GPC5: variants seen among roughly 807,000 people sequenced by gnomAD.
GPC5 encodes glypican 5, also known as glypican-5.
Under a neutral mutation model 53.9 loss-of-function variants are expected in GPC5, and 47 were observed. The ratio of observed to expected loss-of-function variants is 0.87; its 90% CI spans 0.69 to 1.11. The LOEUF is 1.11. Among genes scored for constraint, GPC5 ranks in the 50% most tolerant of loss-of-function variants. The pLI is 0.00. For missense variants in GPC5, 748 were observed against 713.1 expected, an observed-to-expected ratio of 1.05 and a Z score of -0.56; for synonymous variants, 286 against 263.3, an observed-to-expected ratio of 1.09 and a Z score of -0.84.
intron 7 of GPC5, among the ~76,000 whole-genome samples, chr13:92,306,746 T>C (rs2043113283): frequency 6.6e-6 from 1 of 152,182 alleles, no homozygotes; most frequent in African/African-American, 2.4e-5. Context: ...TCATTAGCAT[T>C]TAGTTCATCA....
chr13:91,803,754 T>C (rs2038172690), intron 5 of GPC5, among the ~76,000 whole-genome samples: 2 of 146,980 alleles, frequency 1.4e-5, no homozygotes, highest in African/African-American at 5.0e-5. Context: ...TCTAGAAACA[T>C]ATATAACAGA....
chr13:92,694,078 G>C (rs1209483486), intron 7 of GPC5, among the ~76,000 whole-genome samples: 1 of 152,162 alleles, frequency 6.6e-6, no homozygotes, highest in Non-Finnish European at 1.5e-5. Context: ...CCCAAACCTT[G>C]GTGGCTTCCA....
chr13:92,634,501 G>A (rs577576031), intron 7 of GPC5, among the ~76,000 whole-genome samples: 2 of 152,114 alleles, frequency 1.3e-5, no homozygotes, highest in South Asian at 4.1e-4. Flanking sequence ...CTTATATTGA[G>A]TATTCGATTC....
At chr13:92,633,574 T>C (rs1319179841) in intron 7 of GPC5, among the ~76,000 whole-genome samples, 1 of 152,124 alleles carries the variant, frequency 6.6e-6, no homozygotes, top group Non-Finnish European at 1.5e-5. Context: ...TGTACTTTTA[T>C]TTATATCTTT....
intron 6 of GPC5, among the ~76,000 whole-genome samples, chr13:92,096,513 TA>T (rs2041423309): frequency 6.6e-6 from 1 of 152,204 alleles, no homozygotes; most frequent in Non-Finnish European, 1.5e-5. Context: ...ATTCATGTGT[TA>T]AAGCTTAATC....
intron 7 of GPC5, among the ~76,000 whole-genome samples, chr13:92,743,750 T>A (rs1352074667): frequency 3.3e-5 from 5 of 152,032 alleles, no homozygotes. Context: ...ATTATTTTGA[T>A]ATTCGTCCCA....
intron 6 of GPC5, among the ~76,000 whole-genome samples, chr13:92,067,609 T>C (rs893719206): frequency 6.6e-6 from 1 of 151,994 alleles, no homozygotes; most frequent in African/African-American, 2.4e-5. Flanking sequence ...ATTTCAGGGA[T>C]GTGTAAGTAT....
intron 6 of GPC5, among the ~76,000 whole-genome samples, chr13:91,982,979 T>C (rs2040372887): frequency 6.6e-6 from 1 of 152,130 alleles, no homozygotes; most frequent in Non-Finnish European, 1.5e-5. Context: ...AGAGCAATAA[T>C]TCCCTAGGCT....
chr13:91,705,676 A>C (rs1457686311), intron 3 of GPC5, among the ~76,000 whole-genome samples: 1 of 149,794 alleles, frequency 6.7e-6, no homozygotes, highest in African/African-American at 2.5e-5. Context: ...ACTTGGGTGG[A>C]GAAGGACTCT....
chr13:92,131,891 G>A (rs931569070), intron 6 of GPC5, among the ~76,000 whole-genome samples: 1 of 150,982 alleles, frequency 6.6e-6, no homozygotes, highest in Non-Finnish European at 1.5e-5. Flanking sequence ...AGCACATTTT[G>A]CCTATCTATG....
At chr13:92,660,912 A>C (rs1886319754) in intron 7 of GPC5, among the ~76,000 whole-genome samples, 1 of 152,076 alleles carries the variant, frequency 6.6e-6, no homozygotes, top group African/African-American at 2.4e-5. Flanking sequence ...TTTATTTATA[A>C]TTATTTTAAA....
chr13:92,299,564 A>T (rs1317227774), intron 7 of GPC5, among the ~76,000 whole-genome samples: 1 of 152,230 alleles, frequency 6.6e-6, no homozygotes, highest in Non-Finnish European at 1.5e-5. Context: ...ATTACAAAAA[A>T]ATTATGTAGA....
rs1043197679 is a variant in GPC5, at chr13:92,523,470, C to T, written c.1562-342812C>T. Among the ~76,000 whole-genome samples, 4 of 152,158 alleles carry T rather than the reference C, an allele frequency of 2.6e-5. No individual in the cohort carries two copies. The East Asian group carries it at 5.8e-4, about 22-fold the overall frequency. ...ATAATTTTTAATGAATATTTAGAAA[C>T]ATTTCCATCAAATATTTGAGAATTT... On this transcript the variant is annotated intron_variant, in intron 7 of 7. Coordinates refer to ENST00000377067, the MANE Select transcript of GPC5 (RefSeq NM_004466.6).
intron 2 of GPC5, among the ~76,000 whole-genome samples, chr13:91,689,184 A>AATATATAT (rs1169911890): frequency 1.5e-3 from 73 of 49,564 alleles, no homozygotes; most frequent in Non-Finnish European, 2.0e-3. Context: ...ATCATATATA[A>AATATATAT]ATATATATAT....
intron 7 of GPC5, among the ~76,000 whole-genome samples, chr13:92,407,999 A>C (rs1875867790): frequency 1.3e-5 from 2 of 152,232 alleles, no homozygotes; most frequent in Admixed American, 1.3e-4. Flanking sequence ...TCCCCAAGCC[A>C]TGGCCGCCAA....
At chr13:91,727,486 C>T (rs1373308677) in intron 3 of GPC5, among the ~76,000 whole-genome samples, 1 of 152,152 alleles carries the variant, frequency 6.6e-6, no homozygotes, top group African/African-American at 2.4e-5. Context: ...TTTAGTTACT[C>T]ATATTTTCCC....
intron 7 of GPC5, among the ~76,000 whole-genome samples, chr13:92,435,218 C>T (rs1256506713): frequency 6.6e-6 from 1 of 152,044 alleles, no homozygotes; most frequent in Non-Finnish European, 1.5e-5. Flanking sequence ...CCCAGCAGTC[C>T]AAATGAAATT....
chr13:91,517,332 A>G (rs934087927), intron 2 of GPC5, among the ~76,000 whole-genome samples: 80 of 152,326 alleles, frequency 5.3e-4, no homozygotes, highest in Non-Finnish European at 4.9e-4. Context: ...ACGCAAAGTG[A>G]ATCATCTCTC....
chr13:91,788,081 G>C (rs2037905829), intron 5 of GPC5, among the ~76,000 whole-genome samples: 1 of 151,882 alleles, frequency 6.6e-6, no homozygotes, highest in Non-Finnish European at 1.5e-5. Flanking sequence ...AGACTTCTTG[G>C]CCTGCTATAA....
Sources: allele counts gnomAD v4.1 joint callset (sites outside exome capture counted in the v4.1 genomes callset), GRCh38; gene constraint gnomAD v4.1.1; transcripts MANE v1.5; gene names NCBI Gene and HGNC (gene_info 2026-07-23, HGNC 2026-07-21).